Variants in CBFA2T2 observed in about 807,000 individuals in gnomAD.
The protein encoded by CBFA2T2 is CBFA2/RUNX1 partner transcriptional co-repressor 2.
Under a neutral mutation model 62.2 loss-of-function variants are expected in CBFA2T2, and 11 were observed. The observed-to-expected ratio is 0.18, with a 90% CI of 0.11 to 0.29. The LOEUF is 0.29. Among genes scored for constraint, CBFA2T2 ranks in the 10% least tolerant of loss-of-function variants. The probability of loss-of-function intolerance (pLI) is 1.00; values close to 1 mark genes in which losing one functional copy is unlikely to be tolerated. For synonymous variants in CBFA2T2, 295 were observed against 287.5 expected, an observed-to-expected ratio of 1.03 and a Z score of -0.27; for missense variants, 592 against 774.1, an observed-to-expected ratio of 0.76 and a Z score of 2.79.
At chr20:33,529,959 G>A (rs1036806886) in intron 1 of CBFA2T2, among the ~76,000 whole-genome samples, 2 of 151,502 alleles carry the variant, frequency 1.3e-5, no homozygotes, top group African/African-American at 2.4e-5. Flanking sequence ...TAATTTTTTT[G>A]TATTTTTAGT....
intron 1 of CBFA2T2, among the ~76,000 whole-genome samples, chr20:33,532,699 A>AT: frequency 6.6e-6 from 1 of 152,350 alleles, no homozygotes; most frequent in African/African-American, 2.4e-5. Context: ...TCTTGTCTGC[A>AT]TCTTGTGTTT....
chr20:33,636,964 G>A (rs1286366899), intron 9 of CBFA2T2, among the ~76,000 whole-genome samples: 1 of 152,170 alleles, frequency 6.6e-6, no homozygotes, highest in Admixed American at 6.5e-5. Flanking sequence ...GTCACGCTGA[G>A]GCAATAAGTA....
intron 1 of CBFA2T2, among the ~76,000 whole-genome samples, chr20:33,547,881 A>G (rs2012626310): frequency 6.6e-6 from 1 of 152,192 alleles, no homozygotes; most frequent in Non-Finnish European, 1.5e-5. Flanking sequence ...ACTAATTTTT[A>G]TTTATAAAAC....
rs2017169390 is a variant in CBFA2T2, at chr20:33,649,336, A to C, written c.*4690A>C. The C allele has an allele frequency of 6.6e-6, 1 of 152,646 alleles. No homozygotes were observed. Among genetic ancestry groups the C allele is most frequent in the Admixed American group, 6.5e-5 (1 of 15,284 alleles). The allele number at this position is 152,646 out of a possible 1,614,324, so 9.5% of individuals were successfully genotyped here. ...GCCAGCGGCTCCGCAGGGCCCTTCC[A>C]ACTCTGGAGTGTCTGTAGTTCTTGT... On this transcript the variant is annotated 3_prime_UTR_variant, in exon 11 of 11. Transcript: ENST00000342704.
intron 1 of CBFA2T2, among the ~76,000 whole-genome samples, chr20:33,519,156 C>A (rs4911346): frequency 0.98 from 148,992 of 152,232 alleles, 72,985 homozygotes; most frequent in East Asian, 1. Flanking sequence ...CCATGGATCG[C>A]AACTATTCAG....
At chr20:33,592,107 T>A (rs2014672492) in intron 1 of CBFA2T2, among the ~76,000 whole-genome samples, 1 of 152,026 alleles carries the variant, frequency 6.6e-6, no homozygotes, top group Non-Finnish European at 1.5e-5. Flanking sequence ...TCATGCCTGT[T>A]ATCTCAGCAC....
chr20:33,508,716 A>G (rs2011449554), intron 1 of CBFA2T2, among the ~76,000 whole-genome samples: 1 of 152,196 alleles, frequency 6.6e-6, no homozygotes, highest in Non-Finnish European at 1.5e-5. Flanking sequence ...GCTAAGGATA[A>G]TGGCTTCCAG....
chr20:33,550,554 C>T (rs1488385113), intron 1 of CBFA2T2, among the ~76,000 whole-genome samples: 2 of 152,164 alleles, frequency 1.3e-5, no homozygotes, highest in African/African-American at 4.8e-5. Context: ...CCTCAGAGAA[C>T]AGTAATGGGT....
intron 1 of CBFA2T2, among the ~76,000 whole-genome samples, chr20:33,605,373 A>C (rs2015301604): frequency 6.6e-6 from 1 of 152,226 alleles, no homozygotes; most frequent in Non-Finnish European, 1.5e-5. Context: ...CTGGTACTTA[A>C]GTGAAAAGCT....
chr20:33,505,824 C>T (rs927006219), intron 1 of CBFA2T2, among the ~76,000 whole-genome samples: 4 of 151,824 alleles, frequency 2.6e-5, no homozygotes, highest in Non-Finnish European at 5.9e-5. Flanking sequence ...GGTGTGGTGG[C>T]TTAGGCTTGT....
chr20:33,632,104 G>A (rs529043014), intron 8 of CBFA2T2, among the ~76,000 whole-genome samples: 2 of 152,286 alleles, frequency 1.3e-5, no homozygotes, highest in South Asian at 4.1e-4. Context: ...AGGCTGGAAT[G>A]CAGTGCACAT....
intron 1 of CBFA2T2, among the ~76,000 whole-genome samples, chr20:33,577,777 C>G (rs2013895624): frequency 6.6e-6 from 1 of 152,150 alleles, no homozygotes; most frequent in Admixed American, 6.6e-5. Context: ...TTTGACTTCT[C>G]TGAGCCTTAG....
chr20:33,644,504 C>T lies in CBFA2T2; in HGVS notation c.1646C>T (p.Pro549Leu), dbSNP rs752192229. The change falls in exon 11 of 11, where the codon CCG becomes CTG. Residue 549 changes from proline (P) to leucine (L), a missense_variant. Pro to Leu is a moderately conservative substitution (Grantham distance 98). Transcript: ENST00000342704. ...CAGAGCCCCCACGGCCAGGGCCGGCCGCTGCTTCCTGTAGGCAGGGGCTCC... is the reference window on the plus strand; with the variant it reads ...CAGAGCCCCCACGGCCAGGGCCGGCTGCTGCTTCCTGTAGGCAGGGGCTCC... ...HGQSPHGQGR[P>L]LLPVGRGSSA... The T allele has an allele frequency of 9.3e-6, 15 of 1,614,100 alleles. No individual in the cohort carries two copies. Among genetic ancestry groups the T allele is most frequent in the East Asian group, 4.5e-5 (2 of 44,886 alleles).
intron 1 of CBFA2T2, among the ~76,000 whole-genome samples, chr20:33,495,800 A>C (rs1363352472): frequency 6.6e-6 from 1 of 152,220 alleles, no homozygotes; most frequent in Non-Finnish European, 1.5e-5. Context: ...ACAAGTTTTG[A>C]GACTTCAGGC....
chr20:33,645,687 G>C lies in CBFA2T2; in HGVS notation c.*1041G>C, dbSNP rs916588452. ...CAGGTTGGTAGGACTTGCCCCCACT[G>C]TCAAGGCCTGGTCTCATCTGAAAAG... is the stretch of plus-strand genomic sequence containing the variant. On this transcript the variant is annotated 3_prime_UTR_variant, in exon 11 of 11. Transcript: ENST00000342704. The C allele has an allele frequency of 6.6e-6, 1 of 152,214 alleles. No homozygotes were observed. The highest frequency in any genetic ancestry group is 1.5e-5 in the Non-Finnish European group (1 of 68,066). The allele number at this position is 152,214 out of a possible 1,614,324, so 9.4% of individuals were successfully genotyped here.
intron 1 of CBFA2T2, among the ~76,000 whole-genome samples, chr20:33,536,146 G>A (rs2012218200): frequency 6.6e-6 from 1 of 151,992 alleles, no homozygotes; most frequent in African/African-American, 2.4e-5. Flanking sequence ...CCACAAAACC[G>A]CCATTGTCAT....
chr20:33,637,966 CTTTTTTTTTTTTTTTTT>C (rs67124335), intron 9 of CBFA2T2, among the ~76,000 whole-genome samples: 1 of 66,790 alleles, frequency 1.5e-5, no homozygotes, highest in Non-Finnish European at 2.6e-5. Flanking sequence ...TGCACCCGGC[CTTTTTTTTTTTTTTTTT>C]TTTTTTTTTG....
intron 1 of CBFA2T2, among the ~76,000 whole-genome samples, chr20:33,596,918 TG>T (rs763855741): frequency 3.4e-4 from 42 of 125,264 alleles, no homozygotes; most frequent in African/African-American, 1.2e-3. Flanking sequence ...TCTTGACCTC[TG>T]TTTTTTTTTT....
chr20:33,623,964 A>AAAAAG lies in CBFA2T2; in HGVS notation c.692+683_692+687dup, dbSNP rs752671752. 2.0e-5 allele frequency: 12 copies of AAAAAG among 604,240 alleles called. No homozygotes were observed. The East Asian group carries it at 3.2e-4, about 16-fold the overall frequency. 37.4% of individuals were successfully genotyped at this position (604,240 alleles called of 1,614,324 possible). A position where few individuals can be genotyped will look rare whatever the true frequency, so the allele number is the denominator to read the frequency against. On this transcript the variant is annotated intron_variant, in intron 5 of 10. Coordinates refer to ENST00000342704, the MANE Select transcript of CBFA2T2 (RefSeq NM_001032999.3). Reference sequence around the variant, plus strand: ...TTGTAGAAAGAATTGGAAAAAAAAAAAAAAGAAAAGAAAAGAAAAAACAAA... The same window carrying AAAAAG: ...TTGTAGAAAGAATTGGAAAAAAAAAAAAAAGAAAAGAAAAGAAAAGAAAAAACAAA...
Sources: gnomAD v4.1 joint callset for allele counts (sites outside exome capture counted in the v4.1 genomes callset) on GRCh38, gnomAD v4.1.1 for gene constraint, MANE v1.5 for transcripts, NCBI Gene and HGNC (gene_info 2026-07-23, HGNC 2026-07-21) for gene names.